CNTN3: variants seen among roughly 807,000 people sequenced by gnomAD.
CNTN3 encodes contactin 3.
In CNTN3, 60 loss-of-function variants were observed where a neutral mutation model predicts 119.1. That is an observed-to-expected ratio of 0.50 (90% confidence interval 0.41 to 0.62). The LOEUF (loss-of-function observed/expected upper bound fraction) is 0.62. Among genes scored for constraint, CNTN3 ranks in the 20% least tolerant of loss-of-function variants. The probability of loss-of-function intolerance (pLI) is 0.00; values close to 1 mark genes in which losing one functional copy is unlikely to be tolerated. For missense variants in CNTN3, 1,101 were observed against 1,242.4 expected, an observed-to-expected ratio of 0.89 and a Z score of 1.71; for synonymous variants, 450 against 438.7, an observed-to-expected ratio of 1.03 and a Z score of -0.32.
intron 2 of CNTN3, among the ~76,000 whole-genome samples, chr3:74,520,160 A>G (rs1349137682): frequency 6.7e-6 from 1 of 149,486 alleles, no homozygotes; most frequent in Non-Finnish European, 1.5e-5. Context: ...TCTTCTAAGG[A>G]GATGAGTATT....
chr3:74,600,571 T>C (rs976456321), intron 1 of CNTN3, among the ~76,000 whole-genome samples: 1 of 152,016 alleles, frequency 6.6e-6, no homozygotes, highest in Admixed American at 6.6e-5. Flanking sequence ...TGAATGAAAG[T>C]TAAAAGCTAT....
chr3:74,586,298 T>G (rs1200290825), intron 1 of CNTN3, among the ~76,000 whole-genome samples: 1 of 152,084 alleles, frequency 6.6e-6, no homozygotes, highest in East Asian at 1.9e-4. Context: ...AAATATAAAG[T>G]CATTAATAAA....
At chr3:74,401,778 A>C (rs778086091) in intron 5 of CNTN3, among the ~76,000 whole-genome samples, 1 of 152,154 alleles carries the variant, frequency 6.6e-6, no homozygotes, top group Admixed American at 6.6e-5. Context: ...ACTGCTCCCC[A>C]GTCCTCACAT....
At chr3:74,387,723 C>T (rs2106822500) in intron 5 of CNTN3, among the ~76,000 whole-genome samples, 1 of 152,330 alleles carries the variant, frequency 6.6e-6, no homozygotes, top group African/African-American at 2.4e-5. Flanking sequence ...TCATCACCTC[C>T]CTATGGGGCT....
In CNTN3 at chr3:74,486,597, T is replaced by C; in HGVS notation, c.217A>G (p.Met73Val). The C allele has an allele frequency of 1.9e-6, 3 of 1,590,280 alleles. No individual in the cohort carries two copies. The highest frequency in any genetic ancestry group is 8.5e-7 in the Non-Finnish European group (1 of 1,173,124). The change falls in exon 4 of 23, where the codon ATG becomes GTG. Residue 73 changes from methionine to valine, a missense_variant. Coordinates refer to ENST00000263665, the MANE Select transcript of CNTN3 (RefSeq NM_020872.3). ...QLNGSDIDMS[M>V]EHRYKLNGGN... Reference sequence around the variant, plus strand: ...CCATTCAACTTATAACGATGTTCCATACTCATATCAATATCACTTCCATTC... The same window carrying C: ...CCATTCAACTTATAACGATGTTCCACACTCATATCAATATCACTTCCATTC...
At chr3:74,364,079 G>A (rs1575661804) in intron 10 of CNTN3, among the ~76,000 whole-genome samples, 1 of 152,116 alleles carries the variant, frequency 6.6e-6, no homozygotes, top group Non-Finnish European at 1.5e-5. Flanking sequence ...TAAAGGCAAA[G>A]GCAACTCTTT....
At chr3:74,498,715 T>C (rs1248291593) in intron 3 of CNTN3, among the ~76,000 whole-genome samples, 1 of 151,846 alleles carries the variant, frequency 6.6e-6, no homozygotes, top group Admixed American at 6.6e-5. Context: ...ACATTTAAAA[T>C]TTTATTAATA....
At chr3:74,462,663 C>A (rs906115051) in intron 4 of CNTN3, among the ~76,000 whole-genome samples, 1 of 151,974 alleles carries the variant, frequency 6.6e-6, no homozygotes, top group Admixed American at 6.6e-5. Flanking sequence ...TTGATTGACT[C>A]CCCCCAGACT....
chr3:74,301,904 C>T (rs1460619160), intron 14 of CNTN3, 99 bp from the exon 15 acceptor site: 1 of 1,328,112 alleles, frequency 7.5e-7, no homozygotes, highest in Non-Finnish European at 1.0e-6. Context: ...TTCAATATCT[C>T]TGACTTTTCC....
At chr3:74,501,031 G>A (rs377488719) in intron 2 of CNTN3, among the ~76,000 whole-genome samples, 16 of 152,068 alleles carry the variant, frequency 1.1e-4, no homozygotes, top group Non-Finnish European at 1.9e-4. Flanking sequence ...CACTCTTTAT[G>A]TAAGGAATTT....
At chr3:74,553,294 C>T (rs1024972151) in intron 1 of CNTN3, among the ~76,000 whole-genome samples, 5 of 152,154 alleles carry the variant, frequency 3.3e-5, no homozygotes, top group Non-Finnish European at 5.9e-5. Flanking sequence ...CATAGTATTC[C>T]GTGGTGTATA....
intron 2 of CNTN3, among the ~76,000 whole-genome samples, chr3:74,513,334 C>T (rs773892917): frequency 6.6e-6 from 1 of 152,120 alleles, no homozygotes; most frequent in Non-Finnish European, 1.5e-5. Context: ...TTGCCTGATG[C>T]CTTAAGTTCA....
At chr3:74,480,078 G>C (rs1702736298) in intron 4 of CNTN3, among the ~76,000 whole-genome samples, 1 of 152,016 alleles carries the variant, frequency 6.6e-6, no homozygotes, top group Non-Finnish European at 1.5e-5. Context: ...ACTGAATATT[G>C]ACCTAGCTGA....
chr3:74,480,490 T>C (rs886076865), intron 4 of CNTN3, among the ~76,000 whole-genome samples: 2 of 151,874 alleles, frequency 1.3e-5, no homozygotes, highest in Admixed American at 1.3e-4. Flanking sequence ...ACAGTAATAC[T>C]TAAAACTGGA....
At chr3:74,576,954 AC>A (rs771102578) in intron 1 of CNTN3, among the ~76,000 whole-genome samples, 1 of 152,144 alleles carries the variant, frequency 6.6e-6, no homozygotes, top group Non-Finnish European at 1.5e-5. Context: ...TTAGTGAGCA[AC>A]CTTGGCCTTC....
intron 11 of CNTN3, among the ~76,000 whole-genome samples, chr3:74,342,086 A>G (rs1388154228): frequency 2.0e-5 from 3 of 152,158 alleles, no homozygotes; most frequent in Non-Finnish European, 2.9e-5. Context: ...TACATGTAAG[A>G]CAAAAGTACT....
chr3:74,395,078 G>C (rs1236590523), intron 5 of CNTN3, among the ~76,000 whole-genome samples: 1 of 152,028 alleles, frequency 6.6e-6, no homozygotes, highest in East Asian at 1.9e-4. Flanking sequence ...GTCTAGATTA[G>C]ATATTTGCAT....
intron 4 of CNTN3, among the ~76,000 whole-genome samples, chr3:74,477,240 C>G (rs1702673669): frequency 6.6e-6 from 1 of 152,116 alleles, no homozygotes; most frequent in Admixed American, 6.6e-5. Flanking sequence ...AGAATCTGCC[C>G]AAAGTCACAT....
intron 4 of CNTN3, among the ~76,000 whole-genome samples, chr3:74,486,206 AC>A (rs1702854363): frequency 6.6e-6 from 1 of 151,468 alleles, no homozygotes; most frequent in African/African-American, 2.4e-5. Context: ...TAGAGCACAC[AC>A]ACACACACAC....
Sources: gnomAD v4.1 joint callset for allele counts (sites outside exome capture counted in the v4.1 genomes callset) on GRCh38, gnomAD v4.1.1 for gene constraint, MANE v1.5 for transcripts, NCBI Gene and HGNC (gene_info 2026-07-23, HGNC 2026-07-21) for gene names.